NKAIN3: variants seen among roughly 807,000 people sequenced by gnomAD.
The protein encoded by NKAIN3 is sodium/potassium transporting ATPase interacting 3, also known as sodium/potassium-transporting ATPase subunit beta-1-interacting protein 3.
Under a neutral mutation model 30.2 loss-of-function variants are expected in NKAIN3, and 25 were observed. That is an observed-to-expected ratio of 0.83 (90% CI 0.60 to 1.16). The LOEUF is 1.16. NKAIN3 is among the 50% of genes most tolerant of loss of function. NKAIN3 has a pLI of 0.00. For synonymous variants in NKAIN3, 91 were observed against 89.6 expected (o/e 1.02, Z -0.09); for missense variants, 225 against 254.1 (o/e 0.89, Z 0.78).
At chr8:62,337,961 G>T (rs1451565286) in intron 1 of NKAIN3, among the ~76,000 whole-genome samples, 1 of 151,862 alleles carries the variant, frequency 6.6e-6, no homozygotes, top group South Asian at 2.1e-4. Flanking sequence ...AGGAAGATCT[G>T]GGAATTGATT....
chr8:62,965,679 G>A lies in NKAIN3; in HGVS notation c.*272G>A, dbSNP rs186231027. The A allele has an allele frequency of 3.3e-5, 32 of 960,700 alleles. No homozygotes were observed. In the East Asian group the frequency reaches 4.6e-4, roughly 14 times the overall value. The allele number at this position is 960,700 out of a possible 1,614,324, so 59.5% of individuals were successfully genotyped here. ...TTTTAAATTTTTAACAATATTTAAT[G>A]TGAGGCATGCAAAATGAAAAAGCAA... is the stretch of plus-strand genomic sequence containing the variant. On this transcript the variant is annotated 3_prime_UTR_variant, in exon 7 of 7. Transcript: ENST00000623646.
intron 1 of NKAIN3, among the ~76,000 whole-genome samples, chr8:62,533,497 C>T (rs1052778750): frequency 1.3e-3 from 38 of 29,824 alleles, no homozygotes; most frequent in Non-Finnish European, 2.5e-3. Context: ...TCTCACCCCA[C>T]CTCCTAACAG....
In NKAIN3 at chr8:62,383,294, G is replaced by A. The variant is rs1434627150; in HGVS notation, c.54+134167G>A. Among the ~76,000 whole-genome samples the A allele has an allele frequency of 4.6e-5, 7 of 152,066 alleles. No individual in the cohort carries two copies. In the East Asian group the frequency reaches 1.4e-3, roughly 29 times the overall value. ...TTGTATGACCAAAAGACTGGAAGCTGGTGTTTATCTTTTCCCTTGAAGGCT... is the reference window on the plus strand; with the variant it reads ...TTGTATGACCAAAAGACTGGAAGCTAGTGTTTATCTTTTCCCTTGAAGGCT... On this transcript the variant is annotated intron_variant, in intron 1 of 6. Coordinates refer to ENST00000623646, the MANE Select transcript of NKAIN3 (RefSeq NM_001304533.3).
At chr8:62,722,831 T>C (rs1815134436) in intron 3 of NKAIN3, among the ~76,000 whole-genome samples, 1 of 152,112 alleles carries the variant, frequency 6.6e-6, no homozygotes, top group African/African-American at 2.4e-5. Flanking sequence ...AAACATCTCA[T>C]GGCTACAGTG....
At chr8:62,834,390 C>T (rs1819294928) in intron 4 of NKAIN3, among the ~76,000 whole-genome samples, 1 of 152,094 alleles carries the variant, frequency 6.6e-6, no homozygotes, top group African/African-American at 2.4e-5. Flanking sequence ...CAAACTACTT[C>T]TCTTTGCTGA....
chr8:62,937,664 A>T (rs1822828536), intron 5 of NKAIN3, among the ~76,000 whole-genome samples: 1 of 152,046 alleles, frequency 6.6e-6, no homozygotes. Flanking sequence ...ATTTAAACAT[A>T]ATGTGAATTT....
At chr8:62,348,626 T>G (rs1816084634) in intron 1 of NKAIN3, among the ~76,000 whole-genome samples, 1 of 152,120 alleles carries the variant, frequency 6.6e-6, no homozygotes, top group African/African-American at 2.4e-5. Flanking sequence ...TAGCAGAAGC[T>G]CTCCACTGAG....
chr8:62,843,472 GA>G (rs1175461028), intron 4 of NKAIN3, among the ~76,000 whole-genome samples: 1 of 151,866 alleles, frequency 6.6e-6, no homozygotes, highest in East Asian at 1.9e-4. Flanking sequence ...AAGTAGCTGG[GA>G]CTACAGGCAC....
chr8:62,617,597 A>G (rs892287822), intron 3 of NKAIN3, among the ~76,000 whole-genome samples: 2 of 152,206 alleles, frequency 1.3e-5, no homozygotes, highest in Non-Finnish European at 2.9e-5. Context: ...TCAGTCTCCC[A>G]AAGAGTGCCC....
intron 1 of NKAIN3, among the ~76,000 whole-genome samples, chr8:62,287,396 G>A (rs1813413037): frequency 6.6e-6 from 1 of 151,966 alleles, no homozygotes; most frequent in African/African-American, 2.4e-5. Context: ...GAGCAGCAAT[G>A]TGAACTAGGG....
intron 4 of NKAIN3, among the ~76,000 whole-genome samples, chr8:62,867,035 A>G (rs1043662770): frequency 6.7e-6 from 1 of 150,206 alleles, no homozygotes; most frequent in African/African-American, 2.5e-5. Flanking sequence ...AGACTGGGCG[A>G]CAGAGCGAGA....
At chr8:62,744,532 G>C (rs1192861887) in intron 3 of NKAIN3, among the ~76,000 whole-genome samples, 1 of 152,186 alleles carries the variant, frequency 6.6e-6, no homozygotes, top group African/African-American at 2.4e-5. Context: ...TTAAGGAATG[G>C]AAATCGCTAT....
chr8:62,313,371 C>T (rs1814509588), intron 1 of NKAIN3, among the ~76,000 whole-genome samples: 1 of 151,004 alleles, frequency 6.6e-6, no homozygotes, highest in South Asian at 2.1e-4. Flanking sequence ...CTAATATATT[C>T]ATTCTTCTTT....
intron 4 of NKAIN3, among the ~76,000 whole-genome samples, chr8:62,841,712 A>G (rs972990192): frequency 6.6e-6 from 1 of 152,102 alleles, no homozygotes; most frequent in African/African-American, 2.4e-5. Flanking sequence ...TCTTTATCCA[A>G]CTGTTGATGG....
intron 4 of NKAIN3, among the ~76,000 whole-genome samples, chr8:62,751,374 G>A (rs748029720): frequency 1.3e-5 from 2 of 152,120 alleles, no homozygotes; most frequent in South Asian, 2.1e-4. Context: ...ACCTCTGTCC[G>A]GCGTTTGGGC....
At position 62,968,468 on chromosome 8, in the gene NKAIN3, TTG is replaced by T. The variant is rs1352970673; in HGVS notation, c.*3067_*3068del. The stretch of plus-strand genomic sequence containing the variant: ...CAAACCTCAGCTTCTCCATATGCAA[TTG>T]TGTGTCTGGTCAGAGTAAGGGAAAA... On this transcript the variant is annotated 3_prime_UTR_variant, in exon 7 of 7. Transcript: ENST00000623646. Among the ~76,000 whole-genome samples, 1 of 152,172 alleles carries T rather than the reference TTG, an allele frequency of 6.6e-6. No individual in the cohort carries two copies. The highest frequency in any genetic ancestry group is 1.5e-5 in the Non-Finnish European group (1 of 68,034).
At chr8:62,809,116 C>T (rs1156346275) in intron 4 of NKAIN3, among the ~76,000 whole-genome samples, 2 of 152,182 alleles carry the variant, frequency 1.3e-5, no homozygotes, top group Non-Finnish European at 2.9e-5. Context: ...CCGTTCCGCC[C>T]AGCTCTCAGG....
chr8:62,393,295 G>A lies in NKAIN3; in HGVS notation c.54+144168G>A, dbSNP rs573390139. On this transcript the variant is annotated intron_variant, in intron 1 of 6. Coordinates refer to ENST00000623646, the MANE Select transcript of NKAIN3 (RefSeq NM_001304533.3). ...ACTTTTTGTGTATGGTATGAGGAAA[G>A]GGTCAAAGTTTTTTTTCTATATTTA... is the stretch of plus-strand genomic sequence containing the variant. Among the ~76,000 whole-genome samples, 8 of 151,958 alleles carry A rather than the reference G, an allele frequency of 5.3e-5. No individual in the cohort carries two copies. The East Asian group carries it at 1.3e-3, about 26-fold the overall frequency.
At chr8:62,437,153 A>C (rs1198651402) in intron 1 of NKAIN3, among the ~76,000 whole-genome samples, 1 of 120,164 alleles carries the variant, frequency 8.3e-6, no homozygotes, top group Non-Finnish European at 2.1e-5. Context: ...GAGGTAGAAT[A>C]GATTTTTTTT....
Sources: gnomAD v4.1 joint callset for allele counts (sites outside exome capture counted in the v4.1 genomes callset) on GRCh38, gnomAD v4.1.1 for gene constraint, MANE v1.5 for transcripts, NCBI Gene and HGNC (gene_info 2026-07-23, HGNC 2026-07-21) for gene names.